The following PRICKLE2 variants were observed in gnomAD, a reference collection of about 807,000 sequenced individuals.
PRICKLE2 encodes prickle planar cell polarity protein 2, also known as prickle-like protein 2.
In PRICKLE2, 21 loss-of-function variants were observed where a neutral mutation model predicts 81.4. The observed-to-expected ratio is 0.26, with a 90% CI of 0.18 to 0.37. The LOEUF (loss-of-function observed/expected upper bound fraction) is 0.37. Ranked by LOEUF, PRICKLE2 falls within the 10% of genes least tolerant of loss-of-function variation. The pLI is 1.00. For synonymous variants in PRICKLE2, 456 were observed against 421.5 expected, an observed-to-expected ratio of 1.08 and a Z score of -1.00; for missense variants, 940 against 1,109.0, an observed-to-expected ratio of 0.85 and a Z score of 2.16.
chr3:64,178,990 T>TCTTTC (rs2078073819), intron 2 of PRICKLE2, among the ~76,000 whole-genome samples: 1 of 144,978 alleles, frequency 6.9e-6, no homozygotes, highest in African/African-American at 2.6e-5. Context: ...TTTCTTTCTT[T>TCTTTC]CTTTCTTTCT....
chr3:64,177,616 T>TG (rs1247174319), intron 2 of PRICKLE2, among the ~76,000 whole-genome samples: 3 of 152,214 alleles, frequency 2.0e-5, no homozygotes, highest in African/African-American at 7.2e-5. Flanking sequence ...ATTTACTGTC[T>TG]GTCTCTATGA....
intron 2 of PRICKLE2, among the ~76,000 whole-genome samples, chr3:64,255,969 G>T (rs1407349493): frequency 6.6e-6 from 1 of 152,136 alleles, no homozygotes; most frequent in African/African-American, 2.4e-5. Context: ...GCCATATGCC[G>T]AGGTTGGCAG....
In PRICKLE2 at chr3:64,146,929, G is replaced by A. The variant is rs749232741; in HGVS notation, c.1561C>T (p.Arg521Cys). Residue 521 changes from arginine (R) to cysteine (C), a missense_variant, in exon 7 of 8, where the codon CGT (arginine) becomes TGT (cysteine). Physicochemically the swap from Arg to Cys is radical, Grantham distance 180. Coordinates refer to ENST00000638394, the MANE Select transcript of PRICKLE2 (RefSeq NM_198859.4). ...GGLSTQQCRTRHPISSLKYTE... is the reference protein window; with the variant it reads ...GGLSTQQCRTCHPISSLKYTE... The stretch of plus-strand genomic sequence containing the variant: ...TATTTCAGGGAACTGATGGGATGAC[G>A]GGTCCGACACTGCTGAGTGGACAAG... 10 of 1,613,990 alleles carry A rather than the reference G, an allele frequency of 6.2e-6. No homozygotes were observed. Among genetic ancestry groups the A allele is most frequent in the Admixed American group, 1.7e-5 (1 of 59,992 alleles).
At chr3:64,265,758 C>T (rs1003974960) in intron 2 of PRICKLE2, among the ~76,000 whole-genome samples, 9 of 152,180 alleles carry the variant, frequency 5.9e-5, no homozygotes, top group Non-Finnish European at 1.3e-4. Flanking sequence ...AGTGCTAGTT[C>T]AAACCTTTGC....
intron 1 of PRICKLE2, among the ~76,000 whole-genome samples, chr3:64,217,177 G>C (rs1313019041): frequency 6.6e-6 from 1 of 152,146 alleles, no homozygotes; most frequent in Non-Finnish European, 1.5e-5. Flanking sequence ...TCCTCTGACA[G>C]CATCACAGCA....
intron 2 of PRICKLE2, among the ~76,000 whole-genome samples, chr3:64,253,320 T>C (rs1423386343): frequency 6.6e-6 from 1 of 152,160 alleles, no homozygotes; most frequent in African/African-American, 2.4e-5. Context: ...GTGGCAGAGC[T>C]GAAACTGGAA....
At chr3:64,207,337 A>G (rs2078704346) in intron 1 of PRICKLE2, among the ~76,000 whole-genome samples, 1 of 152,216 alleles carries the variant, frequency 6.6e-6, no homozygotes, top group Admixed American at 6.5e-5. Context: ...GAAACTACAG[A>G]TAAGAAGTAA....
At chr3:64,266,105 G>A (rs902137152) in intron 2 of PRICKLE2, among the ~76,000 whole-genome samples, 1 of 152,012 alleles carries the variant, frequency 6.6e-6, no homozygotes, top group Admixed American at 6.6e-5. Flanking sequence ...ACCCAAAGCT[G>A]TGTACCATCT....
intron 1 of PRICKLE2, among the ~76,000 whole-genome samples, chr3:64,208,439 G>A (rs147760449): frequency 1.3e-5 from 2 of 152,250 alleles, no homozygotes; most frequent in African/African-American, 2.4e-5. Flanking sequence ...GAGTCAGAAC[G>A]CCAGAAAGGA....
At chr3:64,106,582 C>A (rs755789236) in intron 7 of PRICKLE2, among the ~76,000 whole-genome samples, 19 of 152,374 alleles carry the variant, frequency 1.2e-4, no homozygotes, top group Middle Eastern at 3.4e-3. Flanking sequence ...CAAACCGTGG[C>A]TGGGATTCCT....
intron 7 of PRICKLE2, among the ~76,000 whole-genome samples, chr3:64,121,322 T>G (rs999737889): frequency 6.6e-6 from 1 of 152,124 alleles, no homozygotes; most frequent in African/African-American, 2.4e-5. Flanking sequence ...TTCAGTGCAG[T>G]AGGAATTTTC....
intron 1 of PRICKLE2, among the ~76,000 whole-genome samples, chr3:64,202,415 A>G (rs985596643): frequency 2.0e-5 from 3 of 152,122 alleles, no homozygotes; most frequent in African/African-American, 7.2e-5. Context: ...ATTTACTTCA[A>G]TCTAATTTCT....
At chr3:64,123,086 C>A (rs2077051078) in intron 7 of PRICKLE2, among the ~76,000 whole-genome samples, 1 of 152,178 alleles carries the variant, frequency 6.6e-6, no homozygotes, top group Non-Finnish European at 1.5e-5. Flanking sequence ...GAGCTCCTAC[C>A]CTTTTGATGG....
chr3:64,133,564 T>G (rs2077230552), intron 7 of PRICKLE2, among the ~76,000 whole-genome samples: 1 of 152,090 alleles, frequency 6.6e-6, no homozygotes, highest in Admixed American at 6.6e-5. Flanking sequence ...ATGGGAATTC[T>G]CTGTGAAGTT....
intron 2 of PRICKLE2, among the ~76,000 whole-genome samples, chr3:64,177,585 C>T (rs986663440): frequency 2.8e-4 from 42 of 152,186 alleles, no homozygotes; most frequent in African/African-American, 9.7e-4. Context: ...TTCTCCTCCC[C>T]TCAGCCCCTG....
At chr3:64,160,914 C>T (rs1205038172) in intron 3 of PRICKLE2, among the ~76,000 whole-genome samples, 1 of 151,918 alleles carries the variant, frequency 6.6e-6, no homozygotes, top group East Asian at 1.9e-4. Flanking sequence ...GAAAGTATAA[C>T]TATAAATGGA....
intron 2 of PRICKLE2, among the ~76,000 whole-genome samples, chr3:64,262,474 G>A (rs1260846736): frequency 1.3e-5 from 2 of 152,050 alleles, no homozygotes; most frequent in Non-Finnish European, 2.9e-5. Flanking sequence ...TCTAAGTCTG[G>A]AGCTCAGGAG....
At chr3:64,212,093 G>A (rs1477576459) in intron 1 of PRICKLE2, among the ~76,000 whole-genome samples, 1 of 152,186 alleles carries the variant, frequency 6.6e-6, no homozygotes, top group Non-Finnish European at 1.5e-5. Flanking sequence ...CAAAGGAGAA[G>A]AGCTTGGCCA....
At chr3:64,243,987 T>C (rs2079308584) in intron 2 of PRICKLE2, among the ~76,000 whole-genome samples, 1 of 152,182 alleles carries the variant, frequency 6.6e-6, no homozygotes, top group Non-Finnish European at 1.5e-5. Context: ...TTCCAATTTG[T>C]GGCAGCCAAA....
Sources: allele counts gnomAD v4.1 joint callset (sites outside exome capture counted in the v4.1 genomes callset), GRCh38; gene constraint gnomAD v4.1.1; transcripts MANE v1.5; gene names NCBI Gene and HGNC (gene_info 2026-07-23, HGNC 2026-07-21).